The following BMP2K variants were observed in gnomAD, a reference collection of about 807,000 sequenced individuals.
BMP2K encodes BMP-2-inducible protein kinase.
Under a neutral mutation model 116.0 loss-of-function variants are expected in BMP2K, and 74 were observed. The ratio of observed to expected loss-of-function variants is 0.64; its 90% CI spans 0.53 to 0.77. The LOEUF is 0.77. Ranked by LOEUF, BMP2K falls within the 30% of genes least tolerant of loss-of-function variation. The probability of loss-of-function intolerance (pLI) is 0.00; values close to 1 mark genes in which losing one functional copy is unlikely to be tolerated. For missense variants in BMP2K, 1,365 were observed against 1,403.6 expected (o/e 0.97, Z 0.44); for synonymous variants, 486 against 502.5 (o/e 0.97, Z 0.44).
chr4:78,821,552 C>T (rs1369622462), intron 1 of BMP2K, among the ~76,000 whole-genome samples: 1 of 152,068 alleles, frequency 6.6e-6, no homozygotes, highest in African/African-American at 2.4e-5. Flanking sequence ...TTCCCATGCC[C>T]CAGAATGTTT....
intron 10 of BMP2K, among the ~76,000 whole-genome samples, chr4:78,866,870 G>A (rs1035429733): frequency 6.6e-6 from 1 of 152,078 alleles, no homozygotes; most frequent in Non-Finnish European, 1.5e-5. Context: ...GGCTGGTCTC[G>A]AACTCAAAGG....
intron 1 of BMP2K, among the ~76,000 whole-genome samples, chr4:78,786,561 C>T (rs918600856): frequency 1.3e-5 from 2 of 151,978 alleles, no homozygotes; most frequent in Non-Finnish European, 2.9e-5. Context: ...AGCCTCCCGA[C>T]AGTTGGGACA....
intron 1 of BMP2K, among the ~76,000 whole-genome samples, chr4:78,821,318 CTT>C (rs2109990466): frequency 6.6e-6 from 1 of 152,246 alleles, no homozygotes; most frequent in East Asian, 1.9e-4. Context: ...CAGAAAGCCA[CTT>C]TTAAATTGTG....
chr4:78,823,775 A>T (rs780828240), intron 1 of BMP2K, among the ~76,000 whole-genome samples: 2 of 151,974 alleles, frequency 1.3e-5, no homozygotes, highest in South Asian at 4.1e-4. Flanking sequence ...ATGCAAAGCT[A>T]TGTTTGGGAA....
At chr4:78,841,508 T>C (rs900795538) in intron 3 of BMP2K, among the ~76,000 whole-genome samples, 1 of 152,204 alleles carries the variant, frequency 6.6e-6, no homozygotes. Flanking sequence ...CCATTATCTG[T>C]TATCTGGATA....
At chr4:78,891,940 C>T (rs559872196) in intron 15 of BMP2K, among the ~76,000 whole-genome samples, 1 of 152,278 alleles carries the variant, frequency 6.6e-6, no homozygotes, top group South Asian at 2.1e-4. Context: ...AAATGCCAAA[C>T]CGACACTGAA....
At chr4:78,818,790 G>GTT (rs373252130) in intron 1 of BMP2K, among the ~76,000 whole-genome samples, 23 of 129,406 alleles carry the variant, frequency 1.8e-4, no homozygotes, top group African/African-American at 2.0e-4. Context: ...ATGAAGCAGT[G>GTT]TTTTTTTTTT....
intron 1 of BMP2K, among the ~76,000 whole-genome samples, chr4:78,824,288 G>C (rs2109995906): frequency 6.6e-6 from 1 of 152,258 alleles, no homozygotes; most frequent in African/African-American, 2.4e-5. Flanking sequence ...CTGTTCTCAT[G>C]CTGCTAATAA....
rs1323966802 is a variant in BMP2K, at chr4:78,911,754, C to T, written c.3207C>T (p.Phe1069=). 8 of 1,613,896 alleles carry T rather than the reference C, an allele frequency of 5.0e-6. No individual in the cohort carries two copies. The highest frequency in any genetic ancestry group is 2.7e-5 in the African/African-American group (2 of 74,946). The change falls in exon 16 of 16, where the codon TTC becomes TTT. Residue 1069 remains phenylalanine, a synonymous_variant. Coordinates refer to ENST00000502613, the MANE Select transcript of BMP2K (RefSeq NM_198892.2). ...LQPEESLLDP[F]GAKPFHSPDL... ...CTGAGGAGAGCCTGTTGGACCCCTTCGGTGCCAAGCCCTTCCATTCTCCAG... is the reference window on the plus strand; with the variant it reads ...CTGAGGAGAGCCTGTTGGACCCCTTTGGTGCCAAGCCCTTCCATTCTCCAG...
intron 2 of BMP2K, among the ~76,000 whole-genome samples, chr4:78,831,597 A>G (rs1730206516): frequency 6.6e-6 from 1 of 152,190 alleles, no homozygotes; most frequent in Non-Finnish European, 1.5e-5. Flanking sequence ...CACAAACAAC[A>G]ATTAGTTTTG....
chr4:78,845,096 A>C (rs1006696659), intron 5 of BMP2K, 47 bp downstream of exon 5: 4 of 1,487,428 alleles, frequency 2.7e-6, no homozygotes, highest in Non-Finnish European at 1.9e-6. Flanking sequence ...ATTTTAAGTT[A>C]ACTTGAGTCT....
intron 9 of BMP2K, among the ~76,000 whole-genome samples, chr4:78,864,741 G>C (rs1287490847): frequency 1.3e-5 from 2 of 152,042 alleles, no homozygotes; most frequent in Non-Finnish European, 2.9e-5. Flanking sequence ...TGTGTAAGGG[G>C]ATTTAATAAA....
intron 10 of BMP2K, among the ~76,000 whole-genome samples, chr4:78,869,909 G>A (rs1732249019): frequency 6.6e-6 from 1 of 152,088 alleles, no homozygotes; most frequent in African/African-American, 2.4e-5. Flanking sequence ...TTAGGTCTGA[G>A]GACGTTTGAG....
At chr4:78,787,784 A>G (rs911224618) in intron 1 of BMP2K, among the ~76,000 whole-genome samples, 1 of 152,124 alleles carries the variant, frequency 6.6e-6, no homozygotes, top group Non-Finnish European at 1.5e-5. Flanking sequence ...TAGATTAGGA[A>G]ATTTGTAAGC....
intron 1 of BMP2K, among the ~76,000 whole-genome samples, chr4:78,792,933 A>T (rs1728072952): frequency 6.6e-6 from 1 of 152,200 alleles, no homozygotes; most frequent in Non-Finnish European, 1.5e-5. Context: ...TACCTGTGTG[A>T]GGCTAAATTA....
chr4:78,840,968 G>C (rs1730731943), intron 3 of BMP2K, among the ~76,000 whole-genome samples: 1 of 152,112 alleles, frequency 6.6e-6, no homozygotes, highest in African/African-American at 2.4e-5. Context: ...TCTTAAACTA[G>C]AGAAGCCTGG....
At chr4:78,811,490 T>A (rs1466593566) in intron 1 of BMP2K, among the ~76,000 whole-genome samples, 3 of 152,256 alleles carry the variant, frequency 2.0e-5, no homozygotes, top group African/African-American at 7.2e-5. Flanking sequence ...ATTTCACATG[T>A]ATGCATATGC....
rs182670080 is a variant in BMP2K, at chr4:78,818,171, G to A, written c.179-7866G>A. 2.6e-3 allele frequency among the ~76,000 whole-genome samples: 395 copies of A among 152,152 alleles called. 1 individual carries two copies. Among genetic ancestry groups the A allele is most frequent in the Non-Finnish European group, 4.4e-3 (302 of 67,986 alleles). On this transcript the variant is annotated intron_variant, in intron 1 of 15. Transcript: ENST00000502613. ...AAGTTCTGGGATACACGTGTATAAC[G>A]TGCAGGTTTGTTACATAGGTATACA...
At chr4:78,874,601 T>C (rs1732543618) in intron 13 of BMP2K, among the ~76,000 whole-genome samples, 1 of 152,232 alleles carries the variant, frequency 6.6e-6, no homozygotes, top group Admixed American at 6.5e-5. Context: ...ATATTAACTG[T>C]CTTCTCTGAC....
Sources: allele counts gnomAD v4.1 joint callset (sites outside exome capture counted in the v4.1 genomes callset), GRCh38; gene constraint gnomAD v4.1.1; transcripts MANE v1.5; gene names NCBI Gene and HGNC (gene_info 2026-07-23, HGNC 2026-07-21).